The following IL1RAPL1 variants were observed in gnomAD, a reference collection of about 807,000 sequenced individuals.
IL1RAPL1 encodes interleukin-1 receptor accessory protein-like 1.
A neutral mutation model predicts 48.4 loss-of-function variants in IL1RAPL1; 3 were observed. The observed-to-expected ratio is 0.06, with a 90% CI of 0.03 to 0.16. The LOEUF is 0.16. IL1RAPL1 is among the 10% of genes least tolerant of loss of function. The pLI is 1.00. For missense variants in IL1RAPL1, 349 were observed against 530.6 expected, an observed-to-expected ratio of 0.66 and a Z score of 3.36; for synonymous variants, 185 against 187.7, an observed-to-expected ratio of 0.99 and a Z score of 0.12.
At position 29,452,916 on chromosome X, in the gene IL1RAPL1, ATTTTTTT is replaced by A. The variant is rs72259685; in HGVS notation, c.703+53628_703+53634del. Reference sequence around the variant, plus strand: ...AGTGTTCCTCTGAGAGTGACTACAGATTTTTTTTTTTTTTTTTTTTTTTTTTGAGACG... The same window carrying A: ...AGTGTTCCTCTGAGAGTGACTACAGATTTTTTTTTTTTTTTTTTTGAGACG... On this transcript the variant is annotated intron_variant, in intron 5 of 10. Transcript: ENST00000378993. 2.5e-4 allele frequency among the ~76,000 whole-genome samples: 12 copies of A among 48,878 alleles called. 1 individual carries two copies. The highest frequency in any genetic ancestry group is 4.9e-4 in the African/African-American group (5 of 10,174). The allele number at this position is 48,878 out of a possible 115,157, so 42.4% of individuals were successfully genotyped here. A position where few individuals can be genotyped will look rare whatever the true frequency, so the allele number is the denominator to read the frequency against.
chrX:29,449,780 C>CACACAGAGAGAGAG (rs557765024), intron 5 of IL1RAPL1, among the ~76,000 whole-genome samples: 73 of 58,243 alleles, frequency 1.3e-3, no homozygotes, highest in African/African-American at 2.7e-3. Context: ...CACACACACA[C>CACACAGAGAGAGAG]AGAGAGAGAG....
At chrX:29,754,420 C>T (rs1928562629) in intron 6 of IL1RAPL1, among the ~76,000 whole-genome samples, 1 of 109,165 alleles carries the variant, frequency 9.2e-6, no homozygotes, top group South Asian at 3.9e-4. Flanking sequence ...CTTCTTTCCC[C>T]ACTACCCTGA....
intron 2 of IL1RAPL1, among the ~76,000 whole-genome samples, chrX:29,002,527 G>GT (rs1165691436): frequency 9.4e-6 from 1 of 105,969 alleles, no homozygotes; most frequent in Non-Finnish European, 1.9e-5. Context: ...CTATATGTAT[G>GT]TTTTTTTAAA....
At chrX:29,883,634 C>G (rs1391426025) in intron 6 of IL1RAPL1, among the ~76,000 whole-genome samples, 1 of 111,879 alleles carries the variant, frequency 8.9e-6, no homozygotes, top group Admixed American at 9.5e-5. Context: ...GACAAGTTCC[C>G]TTAAGGTTAC....
chrX:29,645,945 A>G (rs191050766), intron 5 of IL1RAPL1, among the ~76,000 whole-genome samples: 2 of 112,461 alleles, frequency 1.8e-5, no homozygotes, highest in East Asian at 2.8e-4. Context: ...ATGTCTGGAC[A>G]GGCTTACTGC....
At chrX:29,440,295 T>C (rs1449570575) in intron 5 of IL1RAPL1, among the ~76,000 whole-genome samples, 1 of 111,211 alleles carries the variant, frequency 9.0e-6, no homozygotes, top group Non-Finnish European at 1.9e-5. Context: ...TTCCATGTAT[T>C]CACAGAATGA....
At chrX:28,656,465 T>C (rs1407345386) in intron 1 of IL1RAPL1, among the ~76,000 whole-genome samples, 1 of 111,325 alleles carries the variant, frequency 9.0e-6, no homozygotes. Context: ...CCTTCACCTG[T>C]CTTGCCCTTC....
chrX:29,338,279 A>G (rs1452874766), intron 3 of IL1RAPL1, among the ~76,000 whole-genome samples: 1 of 111,531 alleles, frequency 9.0e-6, no homozygotes, highest in African/African-American at 3.3e-5. Flanking sequence ...ATACACACAC[A>G]CACACGCACA....
chrX:29,166,101 A>C (rs974301079), intron 2 of IL1RAPL1, among the ~76,000 whole-genome samples: 1 of 112,059 alleles, frequency 8.9e-6, no homozygotes, highest in Non-Finnish European at 1.9e-5. Flanking sequence ...TGAGGCATCA[A>C]CTCTTTGTAG....
At chrX:29,120,061 G>C (rs1928750967) in intron 2 of IL1RAPL1, among the ~76,000 whole-genome samples, 1 of 111,509 alleles carries the variant, frequency 9.0e-6, no homozygotes, top group Non-Finnish European at 1.9e-5. Context: ...AAACAACTCA[G>C]ACTCACTTGT....
chrX:28,706,395 T>C (rs1935373928), intron 1 of IL1RAPL1, among the ~76,000 whole-genome samples: 1 of 109,829 alleles, frequency 9.1e-6, no homozygotes, highest in Admixed American at 9.7e-5. Flanking sequence ...TCTTTTTTCT[T>C]TTTCTTCCTT....
In IL1RAPL1 at chrX:28,659,333, G is replaced by A; in HGVS notation, c.-25+71286G>A. On this transcript the variant is annotated intron_variant, in intron 1 of 10. Coordinates refer to ENST00000378993, the MANE Select transcript of IL1RAPL1 (RefSeq NM_014271.4). The stretch of plus-strand genomic sequence containing the variant: ...ATGACTAATTTCACGAAGTGCCACA[G>A]TACCAGGCCTGTAACGATGAGGTTT... 9 of 554,364 alleles carry A rather than the reference G, an allele frequency of 1.6e-5. No individual in the cohort carries two copies. In the South Asian group the frequency reaches 1.9e-4, roughly 12 times the overall value. 45.7% of individuals were successfully genotyped at this position (554,364 alleles called of 1,213,427 possible). A position where few individuals can be genotyped will look rare whatever the true frequency, so the allele number is the denominator to read the frequency against.
At chrX:28,651,114 C>T (rs758810787) in intron 1 of IL1RAPL1, among the ~76,000 whole-genome samples, 13 of 111,813 alleles carry the variant, frequency 1.2e-4, no homozygotes, top group Non-Finnish European at 2.1e-4. Context: ...TGTGTATAAG[C>T]GGTATATGAA....
chrX:28,869,461 A>G (rs1338683922), intron 2 of IL1RAPL1, among the ~76,000 whole-genome samples: 2 of 68,797 alleles, frequency 2.9e-5, no homozygotes, highest in Non-Finnish European at 5.4e-5. Context: ...GTAGCTGAAT[A>G]AAGTATACCT....
At chrX:28,854,345 G>A (rs1344911270) in intron 2 of IL1RAPL1, among the ~76,000 whole-genome samples, 3 of 111,421 alleles carry the variant, frequency 2.7e-5, no homozygotes, top group Admixed American at 1.9e-4. Context: ...ATCATCAATT[G>A]GACTTCAGGA....
chrX:29,265,468 T>G lies in IL1RAPL1; in HGVS notation c.83-17470T>G, dbSNP rs776356538. ...AAATCATGGAATCTTTTTTTTTATT[T>G]TTTTATTTTATTATTATTATACTTT... On this transcript the variant is annotated intron_variant, in intron 2 of 10. Transcript: ENST00000378993. Among the ~76,000 whole-genome samples the G allele has an allele frequency of 4.6e-5, 5 of 109,519 alleles. No homozygotes were observed. In the South Asian group the frequency reaches 2.0e-3, roughly 43 times the overall value.
At chrX:29,272,976 C>G (rs991036478) in intron 2 of IL1RAPL1, among the ~76,000 whole-genome samples, 1 of 111,855 alleles carries the variant, frequency 8.9e-6, no homozygotes, top group African/African-American at 3.2e-5. Flanking sequence ...TTTTTCAGCT[C>G]TATCTGATCA....
chrX:29,919,696 T>G (rs912359736), intron 7 of IL1RAPL1, among the ~76,000 whole-genome samples: 2 of 112,613 alleles, frequency 1.8e-5, no homozygotes, highest in East Asian at 5.6e-4. Flanking sequence ...ACCTCTTTAT[T>G]ATGACAGTGT....
At chrX:29,546,740 C>T (rs1294161186) in intron 5 of IL1RAPL1, among the ~76,000 whole-genome samples, 1 of 111,702 alleles carries the variant, frequency 9.0e-6, no homozygotes. Context: ...ATCAGAAGTA[C>T]CTAAAAGAAA....
Sources: allele counts gnomAD v4.1 joint callset (sites outside exome capture counted in the v4.1 genomes callset), GRCh38; gene constraint gnomAD v4.1.1; transcripts MANE v1.5; gene names NCBI Gene and HGNC (gene_info 2026-07-23, HGNC 2026-07-21).